The following KY variants were observed in gnomAD, a reference collection of about 807,000 sequenced individuals.
The protein encoded by KY is kyphoscoliosis peptidase.
Under a neutral mutation model 76.1 loss-of-function variants are expected in KY, and 43 were observed. The ratio of observed to expected loss-of-function variants is 0.57; its 90% CI spans 0.44 to 0.73. The LOEUF is 0.73. KY is among the 30% of genes least tolerant of loss of function. The pLI is 0.00. For missense variants in KY, 722 were observed against 828.9 expected (o/e 0.87, Z 1.58); for synonymous variants, 277 against 326.2 (o/e 0.85, Z 1.63).
In KY at chr3:134,641,681, T is replaced by C. The variant is rs539435426; in HGVS notation, c.262+1635A>G. ...AGCCACCTCATTTGTGGAAATTTCC[T>C]GTAGCTGCTATAGGAAATGAATATA... On this transcript the variant is annotated intron_variant, in intron 3 of 10. Transcript: ENST00000423778. Among the ~76,000 whole-genome samples the C allele has an allele frequency of 2.0e-5, 3 of 152,286 alleles. No homozygotes were observed. The South Asian group carries it at 6.2e-4, about 32-fold the overall frequency.
intron 9 of KY, among the ~76,000 whole-genome samples, chr3:134,609,382 G>A (rs1305486333): frequency 2.0e-5 from 3 of 152,148 alleles, no homozygotes; most frequent in Non-Finnish European, 4.4e-5. Flanking sequence ...TGCCTAAGAG[G>A]AGCAGTGTTG....
At chr3:134,640,811 C>G (rs1288265451) in intron 3 of KY, among the ~76,000 whole-genome samples, 1 of 152,236 alleles carries the variant, frequency 6.6e-6, no homozygotes, top group Non-Finnish European at 1.5e-5. Flanking sequence ...CCCAAATCCA[C>G]ACCATGGGGG....
At chr3:134,643,501 A>G (rs1966030465) in intron 2 of KY, 123 bp from the exon 3 acceptor site, 1 of 711,374 alleles carries the variant, frequency 1.4e-6, no homozygotes, top group Non-Finnish European at 2.5e-6. Context: ...CCCCAGGCCT[A>G]AATGTGTGCA....
chr3:134,650,815 C>T lies in KY; in HGVS notation c.136+10G>A, dbSNP rs368269760. On this transcript the variant is annotated intron_variant, in intron 1 of 10. Transcript: ENST00000423778. ...GGGGGACCCGGGGACCCGGGTCGGGCGCGCGTTACCTCCTCCGCGCTGCAG... is the reference window on the plus strand; with the variant it reads ...GGGGGACCCGGGGACCCGGGTCGGGTGCGCGTTACCTCCTCCGCGCTGCAG... 7 of 1,567,610 alleles carry T rather than the reference C, an allele frequency of 4.5e-6. No homozygotes were observed. Among genetic ancestry groups the T allele is most frequent in the East Asian group, 2.4e-5 (1 of 42,492 alleles).
chr3:134,650,500 C>T (rs1231125435), intron 1 of KY, among the ~76,000 whole-genome samples: 1 of 152,224 alleles, frequency 6.6e-6, no homozygotes, highest in East Asian at 1.9e-4. Context: ...CTCTGGCCGC[C>T]TTCCTCCAGG....
At chr3:134,612,137 C>G (rs113591007) in intron 8 of KY, among the ~76,000 whole-genome samples, 2 of 152,150 alleles carry the variant, frequency 1.3e-5, no homozygotes, top group African/African-American at 4.8e-5. Flanking sequence ...AGTTTTCTAG[C>G]CCCCGCCCTT....
At chr3:134,629,322 G>C in intron 4 of KY, 1 of 370,558 alleles carries the variant, frequency 2.7e-6, no homozygotes, top group Non-Finnish European at 5.0e-6. Context: ...CCACTTTTCT[G>C]GCAGTAAACA....
At chr3:134,629,815 A>G in intron 3 of KY, 120 bp from the exon 4 acceptor site, 1 of 658,022 alleles carries the variant, frequency 1.5e-6, no homozygotes. Flanking sequence ...GTGTGTACAA[A>G]TCATCCTTGT....
intron 4 of KY, 123 bp downstream of exon 4, chr3:134,629,498 G>A (rs547458945): frequency 1.4e-6 from 1 of 698,380 alleles, no homozygotes; most frequent in South Asian, 1.7e-5. Flanking sequence ...CCTTTTCCCA[G>A]TTTGCAGGCC....
chr3:134,612,714 T>G (rs1960712275), intron 8 of KY, among the ~76,000 whole-genome samples: 1 of 151,622 alleles, frequency 6.6e-6, no homozygotes, highest in Non-Finnish European at 1.5e-5. Flanking sequence ...GACAACAGCA[T>G]GTCAATCTCT....
intron 8 of KY, among the ~76,000 whole-genome samples, chr3:134,617,534 A>C (rs1196918388): frequency 6.6e-6 from 1 of 152,240 alleles, no homozygotes; most frequent in African/African-American, 2.4e-5. Flanking sequence ...CACAGAACAC[A>C]GTCTGGAAAG....
chr3:134,623,930 C>T (rs1344537582), intron 6 of KY, among the ~76,000 whole-genome samples: 3 of 152,226 alleles, frequency 2.0e-5, no homozygotes, highest in South Asian at 2.1e-4. Context: ...ATATGATGCC[C>T]GTCCTATGGC....
chr3:134,630,597 A>C (rs1964081494), intron 3 of KY, among the ~76,000 whole-genome samples: 1 of 152,200 alleles, frequency 6.6e-6, no homozygotes, highest in Non-Finnish European at 1.5e-5. Flanking sequence ...TGAACTGTGC[A>C]TGCATAGATC....
In KY at chr3:134,620,794, G is replaced by A. The variant is rs780651606; in HGVS notation, c.547C>T (p.Leu183=). 2 of 1,613,754 alleles carry A rather than the reference G, an allele frequency of 1.2e-6. No individual in the cohort carries two copies. Among genetic ancestry groups the A allele is most frequent in the Non-Finnish European group, 1.7e-6 (2 of 1,179,790 alleles). ...SDLLQEAHTD[L]ERVRAIWIWI... is the part of the protein sequence containing the mutation. ...ATCCAGATGGCGCGGACCCTTTCCAGGTCAGTGTGGGCCTCCTGGAGCAGG... is the reference window on the plus strand; with the variant it reads ...ATCCAGATGGCGCGGACCCTTTCCAAGTCAGTGTGGGCCTCCTGGAGCAGG... The change falls in exon 7 of 11, where the codon CTG becomes TTG. Residue 183 remains leucine (L), a synonymous_variant. Transcript: ENST00000423778.
chr3:134,611,918 A>G (rs772891037), intron 8 of KY, among the ~76,000 whole-genome samples: 1 of 152,254 alleles, frequency 6.6e-6, no homozygotes, highest in Admixed American at 6.5e-5. Context: ...TTAGCAAAAT[A>G]TTGGATTAAA....
intron 1 of KY, among the ~76,000 whole-genome samples, chr3:134,647,841 T>G (rs1266461013): frequency 6.6e-6 from 1 of 152,236 alleles, no homozygotes; most frequent in African/African-American, 2.4e-5. Context: ...ATTGCCTGCC[T>G]ATTTCTGTAT....
intron 7 of KY, among the ~76,000 whole-genome samples, chr3:134,620,222 C>T (rs1481254353): frequency 6.6e-6 from 1 of 152,146 alleles, no homozygotes; most frequent in East Asian, 1.9e-4. Context: ...CTGCATAGGC[C>T]CAGGTCCCTC....
chr3:134,622,168 T>C (rs886069521), intron 6 of KY, among the ~76,000 whole-genome samples: 3 of 152,190 alleles, frequency 2.0e-5, no homozygotes, highest in African/African-American at 4.8e-5. Flanking sequence ...TCTCAGAAAG[T>C]TAAATGTAGA....
At chr3:134,646,481 T>A (rs1436326205) in intron 2 of KY, among the ~76,000 whole-genome samples, 1 of 152,232 alleles carries the variant, frequency 6.6e-6, no homozygotes, top group African/African-American at 2.4e-5. Context: ...CTTGGCTGTC[T>A]TTTTCCCTGT....
Sources: allele counts gnomAD v4.1 joint callset (sites outside exome capture counted in the v4.1 genomes callset), GRCh38; gene constraint gnomAD v4.1.1; transcripts MANE v1.5; gene names NCBI Gene and HGNC (gene_info 2026-07-23, HGNC 2026-07-21).